Variants in C2CD5 observed in about 807,000 individuals in gnomAD.
C2CD5 encodes the protein C2 domain-containing protein 5.
In C2CD5, 109 loss-of-function variants were observed where a neutral mutation model predicts 130.3. The ratio of observed to expected loss-of-function variants is 0.84; its 90% confidence interval spans 0.72 to 0.98. The LOEUF (loss-of-function observed/expected upper bound fraction) is 0.98. Ranked by LOEUF, C2CD5 falls within the 50% of genes least tolerant of loss-of-function variation. The probability of loss-of-function intolerance (pLI) is 0.00; values close to 1 mark genes in which losing one functional copy is unlikely to be tolerated. For missense variants in C2CD5, 996 were observed against 1,261.8 expected (o/e 0.79, Z 3.19); for synonymous variants, 454 against 429.2 (o/e 1.06, Z -0.71).
chr12:22,457,318 AAAAG>A (rs1424886155), intron 24 of C2CD5, among the ~76,000 whole-genome samples, 157 bp from the exon 25 acceptor site: 1 of 152,260 alleles, frequency 6.6e-6, no homozygotes, highest in Non-Finnish European at 1.5e-5. Context: ...ATGCAATTAA[AAAAG>A]AGAGACAGAA....
At chr12:22,531,011 C>A (rs1163790156) in intron 3 of C2CD5, among the ~76,000 whole-genome samples, 7 of 151,980 alleles carry the variant, frequency 4.6e-5, no homozygotes, top group Non-Finnish European at 8.8e-5. Context: ...TCGTTTTTAA[C>A]CATTTCTAGG....
intron 22 of C2CD5, chr12:22,460,410 T>C (rs566521290): frequency 2.5e-4 from 38 of 152,332 alleles, no homozygotes; most frequent in African/African-American, 8.4e-4. Flanking sequence ...AGTTTAAGTA[T>C]AGATAGATAA....
At chr12:22,544,270 GC>G in intron 1 of C2CD5, 49 bp downstream of exon 1, 1 of 870,272 alleles carries the variant, frequency 1.1e-6, no homozygotes. Flanking sequence ...GAAGGAGCGC[GC>G]GGGGGCGCGC....
chr12:22,454,431 A>T (rs919807873), intron 25 of C2CD5, among the ~76,000 whole-genome samples: 2 of 152,128 alleles, frequency 1.3e-5, no homozygotes, highest in African/African-American at 2.4e-5. Context: ...AAACGATAAA[A>T]CTTACCTGTT....
intron 22 of C2CD5, among the ~76,000 whole-genome samples, chr12:22,468,745 T>C (rs1942512028): frequency 6.6e-6 from 1 of 152,172 alleles, no homozygotes; most frequent in Non-Finnish European, 1.5e-5. Flanking sequence ...AGCAGCTTAT[T>C]TTTCGTCTTT....
chr12:22,524,991 A>G (rs942448974), intron 5 of C2CD5, among the ~76,000 whole-genome samples: 2 of 152,176 alleles, frequency 1.3e-5, no homozygotes, highest in Non-Finnish European at 1.5e-5. Flanking sequence ...CAGATAATGA[A>G]TTTTTTTAAA....
At position 22,448,829 on chromosome 12, in the gene C2CD5, T is replaced by C. The variant is rs1445785264; in HGVS notation, c.*931A>G. ...TGTATACATTCAACATTTTGCAGCA[T>C]ATTTACATTCAAGTTACATTTCCAA... On this transcript the variant is annotated 3_prime_UTR_variant, in exon 27 of 27. Transcript: ENST00000446597. 6.6e-6 allele frequency: 1 copy of C among 152,602 alleles called. No individual in the cohort carries two copies. The highest frequency in any genetic ancestry group is 1.9e-4 in the East Asian group (1 of 5,204). 9.5% of individuals were successfully genotyped at this position (152,602 alleles called of 1,614,324 possible).
intron 7 of C2CD5, among the ~76,000 whole-genome samples, chr12:22,522,248 A>G (rs1216317032): frequency 6.6e-6 from 1 of 152,158 alleles, no homozygotes; most frequent in African/African-American, 2.4e-5. Context: ...CCGAAGTACT[A>G]AAGGCATTTA....
chr12:22,525,946 A>G (rs1222018238), intron 4 of C2CD5, among the ~76,000 whole-genome samples: 3 of 152,166 alleles, frequency 2.0e-5, no homozygotes, highest in African/African-American at 7.2e-5. Flanking sequence ...ATTCTGTCCA[A>G]CTGTAGGCTA....
intron 3 of C2CD5, among the ~76,000 whole-genome samples, chr12:22,534,506 T>C (rs191800024): frequency 2.6e-5 from 4 of 152,236 alleles, no homozygotes; most frequent in Admixed American, 2.0e-4. Flanking sequence ...TCAGAATATA[T>C]AAAGAACTTT....
At chr12:22,509,208 A>G (rs578088155) in intron 9 of C2CD5, among the ~76,000 whole-genome samples, 6 of 152,392 alleles carry the variant, frequency 3.9e-5, no homozygotes, top group African/African-American at 1.4e-4. Flanking sequence ...GACAAGAGAT[A>G]CTGAAAATAA....
At chr12:22,529,985 G>A (rs1157531975) in intron 3 of C2CD5, among the ~76,000 whole-genome samples, 1 of 150,690 alleles carries the variant, frequency 6.6e-6, no homozygotes, top group Non-Finnish European at 1.5e-5. Flanking sequence ...TGACTGCGTG[G>A]AGCAACCACA....
At chr12:22,511,992 G>A (rs907261384) in intron 9 of C2CD5, among the ~76,000 whole-genome samples, 2 of 152,154 alleles carry the variant, frequency 1.3e-5, no homozygotes, top group African/African-American at 4.8e-5. Flanking sequence ...CCTCTTCAAC[G>A]TTTTCAGTCT....
intron 3 of C2CD5, among the ~76,000 whole-genome samples, chr12:22,529,776 T>C (rs1481217537): frequency 6.6e-6 from 1 of 152,008 alleles, no homozygotes; most frequent in Non-Finnish European, 1.5e-5. Flanking sequence ...GGCAAACTTG[T>C]TAAAGAAGGC....
At chr12:22,456,269 C>T (rs1354057188) in intron 25 of C2CD5, among the ~76,000 whole-genome samples, 1 of 152,178 alleles carries the variant, frequency 6.6e-6, no homozygotes, top group East Asian at 1.9e-4. Context: ...TTGGATGTCA[C>T]ACCTCAGTAA....
In C2CD5 at chr12:22,474,842, C is replaced by CGTT. The variant is rs1565680413; in HGVS notation, c.1949_1951dup (p.Gln650dup). 2.5e-6 allele frequency: 4 copies of CGTT among 1,607,848 alleles called. No individual in the cohort carries two copies. Among genetic ancestry groups the CGTT allele is most frequent in the Admixed American group, 3.4e-5 (2 of 59,668 alleles). ...TGATTGAGATCTTAGAAGTCTTGAG[C>CGTT]GTTGCCTAGGTTCTGGGATGGGTGA... On this transcript the variant is annotated inframe_insertion, in exon 16 of 27. Transcript: ENST00000446597.
chr12:22,538,035 C>T (rs945403139), intron 2 of C2CD5, among the ~76,000 whole-genome samples: 3 of 152,100 alleles, frequency 2.0e-5, no homozygotes, highest in Non-Finnish European at 4.4e-5. Context: ...GCAACCAGGA[C>T]CAATACTTGA....
At chr12:22,472,391 TG>T (rs1475951017) in intron 17 of C2CD5, 44 bp from the exon 18 acceptor site, 1 of 989,840 alleles carries the variant, frequency 1.0e-6, no homozygotes, top group South Asian at 1.5e-5. Context: ...AATATTTCAT[TG>T]ATTTTTGTGT....
At chr12:22,524,362 A>T in intron 6 of C2CD5, 110 bp downstream of exon 6, 2 of 838,984 alleles carry the variant, frequency 2.4e-6, no homozygotes, top group Non-Finnish European at 3.8e-6. Flanking sequence ...GCATGCAGTC[A>T]CTTATAATTC....
Sources: gnomAD v4.1 joint callset for allele counts (sites outside exome capture counted in the v4.1 genomes callset) on GRCh38, gnomAD v4.1.1 for gene constraint, MANE v1.5 for transcripts, NCBI Gene and HGNC (gene_info 2026-07-23, HGNC 2026-07-21) for gene names.